Variants in UBE4A observed in about 807,000 individuals in gnomAD.
UBE4A encodes the protein ubiquitin conjugation factor E4 A.
UBE4A carries 48 observed loss-of-function variants against 117.9 expected under a neutral mutation model. That is an observed-to-expected ratio of 0.41 (90% CI 0.32 to 0.52). The LOEUF (loss-of-function observed/expected upper bound fraction) is 0.52. Ranked by LOEUF, UBE4A falls within the 20% of genes least tolerant of loss-of-function variation. The probability of loss-of-function intolerance (pLI) is 0.33; values close to 1 mark genes in which losing one functional copy is unlikely to be tolerated. For synonymous variants in UBE4A, 407 were observed against 450.0 expected (o/e 0.90, Z 1.21); for missense variants, 1,067 against 1,296.3 (o/e 0.82, Z 2.72).
At position 118,396,337 on chromosome 11, in the gene UBE4A, G is replaced by A; in HGVS notation, c.3098G>A (p.Arg1033His). The A allele has an allele frequency of 1.2e-6, 2 of 1,612,986 alleles. No individual in the cohort carries two copies. Among genetic ancestry groups the A allele is most frequent in the Non-Finnish European group, 8.5e-7 (1 of 1,179,572 alleles). The change falls in exon 20 of 20, where the codon CGT (arginine) becomes CAT (histidine). Residue 1033 changes from arginine (R) to histidine (H), a missense_variant. Coordinates refer to ENST00000252108, the MANE Select transcript of UBE4A (RefSeq NM_001204077.2). ...AGTGACCAAACAGATCCCTTTAACC[G>A]TAGTCCCCTCACCATGGACCAGATC... ...LLSDQTDPFN[R>H]SPLTMDQIRP...
intron 2 of UBE4A, among the ~76,000 whole-genome samples, chr11:118,367,942 T>G (rs1169174525): frequency 6.6e-6 from 1 of 152,174 alleles, no homozygotes; most frequent in Non-Finnish European, 1.5e-5. Context: ...CATGAAATAT[T>G]AGAAACAACC....
In UBE4A at chr11:118,371,592, T is replaced by C; in HGVS notation, c.487T>C (p.Ser163Pro). 1 of 1,614,070 alleles carries C rather than the reference T, an allele frequency of 6.2e-7. No homozygotes were observed. Among genetic ancestry groups the C allele is most frequent in the South Asian group, 1.1e-5 (1 of 91,088 alleles). ...NMTSSTTLNLSADRDAGERHI... is the reference protein window; with the variant it reads ...NMTSSTTLNLPADRDAGERHI... ...GACTTCTTCTACAACGCTAAATCTC[T>C]CTGCTGATCGAGATGCAGGAGAGAG... Residue 163 changes from serine (S) to proline (P), a missense_variant, in exon 5 of 20, where the codon TCT (serine) becomes CCT (proline). This residue lies in a region of UBE4A where 1,001 missense variants were observed against 1,184.0 expected (regional missense o/e 0.85). Transcript: ENST00000252108.
At chr11:118,369,322 T>C in intron 3 of UBE4A, 101 bp from the exon 4 acceptor site, 1 of 778,084 alleles carries the variant, frequency 1.3e-6, no homozygotes, top group Non-Finnish European at 2.2e-6. Context: ...CTGGTATTAC[T>C]TGAGTCAGAT....
intron 7 of UBE4A, 45 bp downstream of exon 7, chr11:118,373,333 A>G (rs774538865): frequency 6.3e-7 from 1 of 1,594,894 alleles, no homozygotes; most frequent in South Asian, 1.1e-5. Flanking sequence ...TAGATGTGTA[A>G]TACATGATGC....
rs1565529788 is a variant in UBE4A at position 118,368,620 on chromosome 11, T to C, written c.122-11T>C. 12 of 1,614,018 alleles carry C rather than the reference T, an allele frequency of 7.4e-6. No individual in the cohort carries two copies. The highest frequency in any genetic ancestry group is 1.7e-5 in the Admixed American group (1 of 60,008). ...GGGGTGTAACATTTAACAGTATACA[T>C]TTTCTGGCAGATGAACTCCCAGCTA... On this transcript the variant is annotated splice_polypyrimidine_tract_variant and intron_variant, in intron 2 of 19. Coordinates refer to ENST00000252108, the MANE Select transcript of UBE4A (RefSeq NM_001204077.2).
chr11:118,374,219 A>G (rs939686466), intron 8 of UBE4A, among the ~76,000 whole-genome samples: 3 of 152,124 alleles, frequency 2.0e-5, no homozygotes, highest in African/African-American at 7.2e-5. Flanking sequence ...TGCTACAGCT[A>G]CTTCTCCCCA....
Position 118,372,602 on chromosome 11 carries a change from C to A in UBE4A, c.657C>A (p.Ile219=). The change falls in exon 6 of 20, where the codon ATC becomes ATA. Residue 219 remains isoleucine, a synonymous_variant. Transcript: ENST00000252108. ...GAACAGTTCTTCTCACCCCAGAGAT[C>A]TATGTTGACCAAAACATCCATGAGC... ...NTRTVLLTPE[I]YVDQNIHEQL... is the part of the protein sequence containing the mutation. 1.2e-6 allele frequency: 2 copies of A among 1,614,158 alleles called. No individual in the cohort carries two copies. Among genetic ancestry groups the A allele is most frequent in the Admixed American group, 3.3e-5 (2 of 60,020 alleles).
At chr11:118,367,722 T>C (rs1206661817) in intron 2 of UBE4A, among the ~76,000 whole-genome samples, 3 of 152,024 alleles carry the variant, frequency 2.0e-5, no homozygotes, top group African/African-American at 7.2e-5. Flanking sequence ...ATGGTCTCAA[T>C]CTCCTGACCT....
Position 118,373,067 on chromosome 11 carries a change from C to A in UBE4A, c.722-19C>A. Reference sequence around the variant, plus strand: ...AAAATTCTTGTGCCCTCCTTTCTCTCTCATTTGTCTTCTGTTAGATTTTGA... The same window carrying A: ...AAAATTCTTGTGCCCTCCTTTCTCTATCATTTGTCTTCTGTTAGATTTTGA... On this transcript the variant is annotated intron_variant, in intron 6 of 19. Coordinates refer to ENST00000252108, the MANE Select transcript of UBE4A (RefSeq NM_001204077.2). 1 of 1,611,432 alleles carries A rather than the reference C, an allele frequency of 6.2e-7. No individual in the cohort carries two copies. The highest frequency in any genetic ancestry group is 1.1e-5 in the South Asian group (1 of 90,824).
intron 9 of UBE4A, 125 bp from the exon 10 acceptor site, chr11:118,376,447 AAG>A: frequency 4.5e-6 from 6 of 1,326,430 alleles, no homozygotes; most frequent in Non-Finnish European, 6.1e-6. Flanking sequence ...TATTCAGACA[AAG>A]AACTAATATG....
chr11:118,371,749 A>C (rs1948611914), intron 5 of UBE4A, 83 bp downstream of exon 5: 1 of 1,407,668 alleles, frequency 7.1e-7, no homozygotes, highest in Non-Finnish European at 9.5e-7. Context: ...ATCAGTCTTT[A>C]TTTCAATTTA....
At position 118,396,551 on chromosome 11, in the gene UBE4A, T is replaced by TC. The variant is rs1948876403; in HGVS notation, c.*111_*112insC. The TC allele has an allele frequency of 8.4e-7, 1 of 1,184,342 alleles. No homozygotes were observed. Among genetic ancestry groups the TC allele is most frequent in the Non-Finnish European group, 1.1e-6 (1 of 891,522 alleles). The allele number at this position is 1,184,342 out of a possible 1,614,324, so 73.4% of individuals were successfully genotyped here. A position where few individuals can be genotyped will look rare whatever the true frequency, so the allele number is the denominator to read the frequency against. ...TTTCTTTCTTCTTTTCTTTTTCTTTTTTTTTTTTTTTTTTACTAAATTAGA... is the reference window on the plus strand; with the variant it reads ...TTTCTTTCTTCTTTTCTTTTTCTTTTCTTTTTTTTTTTTTTACTAAATTAGA... On this transcript the variant is annotated 3_prime_UTR_variant, in exon 20 of 20. Coordinates refer to ENST00000252108, the MANE Select transcript of UBE4A (RefSeq NM_001204077.2).
chr11:118,369,187 A>G (rs1948588609), intron 3 of UBE4A, among the ~76,000 whole-genome samples: 1 of 152,196 alleles, frequency 6.6e-6, no homozygotes. Flanking sequence ...GGTTGGTACT[A>G]ATGTCTGGGA....
At chr11:118,374,273 C>A (rs1029763979) in intron 8 of UBE4A, among the ~76,000 whole-genome samples, 4 of 152,212 alleles carry the variant, frequency 2.6e-5, no homozygotes, top group African/African-American at 9.6e-5. Flanking sequence ...CTCTGAAAAT[C>A]TTTTGACTGA....
intron 15 of UBE4A, among the ~76,000 whole-genome samples, chr11:118,385,301 AC>A (rs561337055): frequency 2.0e-5 from 3 of 152,138 alleles, no homozygotes; most frequent in Non-Finnish European, 1.5e-5. Context: ...GTGACTTTCA[AC>A]CCTTTTAATC....
At chr11:118,384,505 G>T in intron 13 of UBE4A, 130 bp from the exon 14 acceptor site, 1 of 747,986 alleles carries the variant, frequency 1.3e-6, no homozygotes, top group Non-Finnish European at 2.2e-6. Flanking sequence ...AGAAACTCCA[G>T]GGCAGATTTT....
Position 118,375,060 on chromosome 11 carries a change from A to G in UBE4A, c.1281A>G (p.Gln427=), listed in dbSNP as rs782118325. 9 of 1,614,050 alleles carry G rather than the reference A, an allele frequency of 5.6e-6. No homozygotes were observed. Among genetic ancestry groups the G allele is most frequent in the Non-Finnish European group, 7.6e-6 (9 of 1,180,026 alleles). Residue 427 remains glutamine (Q), a synonymous_variant, in exon 9 of 20, where the codon CAA becomes CAG. Coordinates refer to ENST00000252108, the MANE Select transcript of UBE4A (RefSeq NM_001204077.2). ...WANQMPEIFF[Q]MYASDAFFLN... ...ATCAGATGCCAGAAATCTTTTTCCA[A>G]ATGTATGCCTCAGATGCTTTCTTTC... is the stretch of plus-strand genomic sequence containing the variant.
chr11:118,369,863 G>T (rs954605939), intron 4 of UBE4A, among the ~76,000 whole-genome samples: 1 of 151,200 alleles, frequency 6.6e-6, no homozygotes, highest in Non-Finnish European at 1.5e-5. Flanking sequence ...GGAGGCTGAG[G>T]CAGGTGGATC....
At chr11:118,389,628 A>G in intron 16 of UBE4A, 97 bp from the exon 17 acceptor site, 1 of 1,136,092 alleles carries the variant, frequency 8.8e-7, no homozygotes, top group African/African-American at 1.6e-5. Context: ...TAGAAATAAA[A>G]TAACAGTAGT....
Sources: gnomAD v4.1 joint callset for allele counts (sites outside exome capture counted in the v4.1 genomes callset) on GRCh38, gnomAD v4.1.1 for gene constraint, gnomAD v4.1.1 regional missense constraint, MANE v1.5 for transcripts, NCBI Gene and HGNC (gene_info 2026-07-23, HGNC 2026-07-21) for gene names.